CCDC15: variants seen among roughly 807,000 people sequenced by gnomAD.
CCDC15 encodes coiled-coil domain-containing protein 15.
CCDC15 carries 105 observed loss-of-function variants against 114.5 expected under a neutral mutation model. The observed-to-expected ratio is 0.92, with a 90% CI of 0.78 to 1.08. The LOEUF (loss-of-function observed/expected upper bound fraction) is 1.08, where lower values mean the gene tolerates loss of function less well. Ranked by LOEUF, CCDC15 falls within the 50% of genes least tolerant of loss-of-function variation. The pLI is 0.00. For synonymous variants in CCDC15, 334 were observed against 377.8 expected (o/e 0.88, Z 1.34); for missense variants, 1,105 against 1,093.6 (o/e 1.01, Z -0.15).
rs1481210610 is a variant in CCDC15, at chr11:124,987,670, A to G, written c.1444A>G (p.Arg482Gly). ...ACCTAAGGACCAGAATTTTTTATCT[A>G]GAGACCAGCATGTTCTCCCCAAAGA... Reference protein sequence around the residue: ...FLPKDQNFLSRDQHVLPKDQD... With the variant: ...FLPKDQNFLSGDQHVLPKDQD... The change falls in exon 8 of 16, where the codon AGA becomes GGA. Residue 482 changes from arginine (R) to glycine (G), a missense_variant. Coordinates refer to ENST00000344762, the MANE Select transcript of CCDC15 (RefSeq NM_025004.3). 4.3e-6 allele frequency: 7 copies of G among 1,613,858 alleles called. 1 individual carries two copies. Among genetic ancestry groups the G allele is most frequent in the African/African-American group, 2.7e-5 (2 of 74,918 alleles).
intron 13 of CCDC15, among the ~76,000 whole-genome samples, chr11:125,032,234 G>A (rs1285112343): frequency 2.6e-5 from 4 of 152,224 alleles, no homozygotes; most frequent in African/African-American, 9.6e-5. Flanking sequence ...ACACAAAGCC[G>A]GAGAGTTGAT....
At chr11:124,957,394 G>A (rs1315424308) in intron 2 of CCDC15, among the ~76,000 whole-genome samples, 1 of 152,190 alleles carries the variant, frequency 6.6e-6, no homozygotes, top group Admixed American at 6.5e-5. Flanking sequence ...GGTTAGATAT[G>A]TTTCTCTTTT....
At chr11:124,961,889 G>A (rs1177164768) in intron 4 of CCDC15, among the ~76,000 whole-genome samples, 2 of 152,136 alleles carry the variant, frequency 1.3e-5, no homozygotes, top group Non-Finnish European at 2.9e-5. Flanking sequence ...AATGAGCCAG[G>A]TGTATTTGGG....
intron 13 of CCDC15, among the ~76,000 whole-genome samples, chr11:125,026,759 G>A (rs1948705408): frequency 6.6e-6 from 1 of 151,954 alleles, no homozygotes; most frequent in South Asian, 2.1e-4. Context: ...TATTTCAATA[G>A]CTGTTGGGGA....
intron 4 of CCDC15, among the ~76,000 whole-genome samples, chr11:124,962,117 A>G (rs1382683035): frequency 2.0e-5 from 3 of 152,140 alleles, no homozygotes; most frequent in Non-Finnish European, 2.9e-5. Context: ...CTTTGTCCAT[A>G]TGACTCCATG....
In CCDC15 at chr11:124,954,787, G is replaced by A. The variant is rs1947518548; in HGVS notation, c.55G>A (p.Ala19Thr). The change falls in exon 2 of 16, where the codon GCT becomes ACT. Residue 19 changes from alanine to threonine, a missense_variant. By Grantham distance (58) the Ala-to-Thr change is moderately conservative. Coordinates refer to ENST00000344762, the MANE Select transcript of CCDC15 (RefSeq NM_025004.3). ...KPRNTSRLPL[A>T]LNPLKSKDVL... Reference sequence around the variant, plus strand: ...TCGAAATACCTCAAGGTTGCCCCTGGCTTTAAACCCCCTGAAGAGCAAGGA... The same window carrying A: ...TCGAAATACCTCAAGGTTGCCCCTGACTTTAAACCCCCTGAAGAGCAAGGA... 1 of 1,613,912 alleles carries A rather than the reference G, an allele frequency of 6.2e-7. No homozygotes were observed. Among genetic ancestry groups the A allele is most frequent in the Non-Finnish European group, 8.5e-7 (1 of 1,179,888 alleles).
chr11:125,014,646 A>G (rs1329389579), intron 13 of CCDC15, among the ~76,000 whole-genome samples: 1 of 152,220 alleles, frequency 6.6e-6, no homozygotes, highest in African/African-American at 2.4e-5. Flanking sequence ...CAGACTCACT[A>G]GAGTAGCTTA....
intron 13 of CCDC15, among the ~76,000 whole-genome samples, chr11:125,028,286 A>G (rs1178885157): frequency 1.3e-5 from 2 of 151,844 alleles, no homozygotes; most frequent in Non-Finnish European, 1.5e-5. Context: ...TGTTTTTTCT[A>G]TTTCTGTGAA....
At chr11:125,029,371 G>T (rs759844169) in intron 13 of CCDC15, among the ~76,000 whole-genome samples, 1 of 152,044 alleles carries the variant, frequency 6.6e-6, no homozygotes, top group African/African-American at 2.4e-5. Flanking sequence ...ACATAAATAA[G>T]GTCATAATTA....
At chr11:125,030,220 T>A (rs1169025746) in intron 13 of CCDC15, among the ~76,000 whole-genome samples, 1 of 152,146 alleles carries the variant, frequency 6.6e-6, no homozygotes, top group East Asian at 1.9e-4. Context: ...CAGTACCACA[T>A]ATTGGACGCT....
In CCDC15 at chr11:124,968,317, C is replaced by T. The variant is rs546090424; in HGVS notation, c.517-6779C>T. Among the ~76,000 whole-genome samples, 6 of 152,300 alleles carry T rather than the reference C, an allele frequency of 3.9e-5. No homozygotes were observed. The East Asian group carries it at 9.7e-4, about 25-fold the overall frequency. Reference sequence around the variant, plus strand: ...GAGCTGCAGTGGGCTCCACCCAGTTCGAGCTTCCTAGACACTTTGTTTACC... The same window carrying T: ...GAGCTGCAGTGGGCTCCACCCAGTTTGAGCTTCCTAGACACTTTGTTTACC... On this transcript the variant is annotated intron_variant, in intron 4 of 15. Coordinates refer to ENST00000344762, the MANE Select transcript of CCDC15 (RefSeq NM_025004.3).
At chr11:125,010,412 C>G (rs1948581948) in intron 13 of CCDC15, among the ~76,000 whole-genome samples, 1 of 149,266 alleles carries the variant, frequency 6.7e-6, no homozygotes, top group Non-Finnish European at 1.5e-5. Context: ...GAGTCTCACT[C>G]TGTCCAGTGG....
At chr11:124,969,715 C>G (rs981164831) in intron 4 of CCDC15, among the ~76,000 whole-genome samples, 1 of 152,168 alleles carries the variant, frequency 6.6e-6, no homozygotes, top group East Asian at 1.9e-4. Context: ...GTATTTCAGT[C>G]AGACACTTTT....
chr11:125,009,486 T>G (rs975500561), intron 13 of CCDC15, among the ~76,000 whole-genome samples: 12 of 152,144 alleles, frequency 7.9e-5, no homozygotes, highest in Non-Finnish European at 1.8e-4. Flanking sequence ...TGGGGTCTTT[T>G]TGGTTTTGTT....
intron 4 of CCDC15, among the ~76,000 whole-genome samples, chr11:124,962,476 A>G (rs1947684854): frequency 6.6e-6 from 1 of 152,210 alleles, no homozygotes; most frequent in African/African-American, 2.4e-5. Flanking sequence ...CTAGGAGTTG[A>G]TAGTGCTAAA....
intron 12 of CCDC15, among the ~76,000 whole-genome samples, chr11:125,004,459 T>A (rs892202171): frequency 6.6e-6 from 1 of 152,046 alleles, no homozygotes; most frequent in Admixed American, 6.6e-5. Context: ...GCATCCTCAG[T>A]ATTAAGAGCT....
At chr11:124,976,255 AT>A (rs902513147) in intron 5 of CCDC15, among the ~76,000 whole-genome samples, 3 of 149,714 alleles carry the variant, frequency 2.0e-5, no homozygotes, top group African/African-American at 7.3e-5. Flanking sequence ...ATAATTTTGT[AT>A]TTTTTTCCAT....
chr11:124,999,468 T>C (rs898401103), intron 11 of CCDC15, among the ~76,000 whole-genome samples: 1 of 152,130 alleles, frequency 6.6e-6, no homozygotes. Flanking sequence ...TTTTTCAGTC[T>C]TATTTTTTCT....
In CCDC15 at chr11:124,975,200, T is replaced by C; in HGVS notation, c.621T>C (p.Leu207=). ...CAGATGATGGAAGGAAAAGCTTTCT[T>C]ACCAGAGAGGTAAATTAATTTCTAA... The part of the protein sequence containing the change: ...VFPDDGRKSF[L]TREEVLSRKP... Residue 207 remains leucine, a synonymous_variant, in exon 5 of 16, where the codon CTT becomes CTC. Coordinates refer to ENST00000344762, the MANE Select transcript of CCDC15 (RefSeq NM_025004.3). 1 of 1,569,814 alleles carries C rather than the reference T, an allele frequency of 6.4e-7. No individual in the cohort carries two copies. Among genetic ancestry groups the C allele is most frequent in the South Asian group, 1.2e-5 (1 of 84,500 alleles).
Sources: gnomAD v4.1 joint callset for allele counts (sites outside exome capture counted in the v4.1 genomes callset) on GRCh38, gnomAD v4.1.1 for gene constraint, MANE v1.5 for transcripts, NCBI Gene and HGNC (gene_info 2026-07-23, HGNC 2026-07-21) for gene names.